DHRSX: variants seen among roughly 807,000 people sequenced by gnomAD.
DHRSX encodes the protein dehydrogenase/reductase X-linked, also known as polyprenol dehydrogenase.
A neutral mutation model predicts 34.0 loss-of-function variants in DHRSX; 31 were observed. The observed-to-expected ratio is 0.91, with a 90% CI of 0.69 to 1.23. The LOEUF is 1.23. Among genes scored for constraint, DHRSX ranks in the 50% most tolerant of loss-of-function variants. The pLI, the probability that DHRSX is intolerant of heterozygous loss-of-function variation, is 0.00. For synonymous variants in DHRSX, 201 were observed against 183.8 expected (o/e 1.09, Z -0.76); for missense variants, 414 against 428.1 (o/e 0.97, Z 0.29).
chrX:2,255,769 G>C (rs2041268380), intron 5 of DHRSX, among the ~76,000 whole-genome samples: 1 of 151,408 alleles, frequency 6.6e-6, no homozygotes, highest in Non-Finnish European at 1.5e-5. Context: ...ACAAAAATTA[G>C]GTGGGCATGG....
At chrX:2,308,456 A>T (rs927939238) in intron 3 of DHRSX, among the ~76,000 whole-genome samples, 2 of 152,170 alleles carry the variant, frequency 1.3e-5, no homozygotes, top group Non-Finnish European at 2.9e-5. Flanking sequence ...CAGCCAAACA[A>T]GCAAAAACCA....
chrX:2,255,581 C>T (rs959996245), intron 5 of DHRSX, among the ~76,000 whole-genome samples: 5 of 152,032 alleles, frequency 3.3e-5, no homozygotes, highest in Admixed American at 1.3e-4. Flanking sequence ...GACTGAGGGA[C>T]GTCAGAGTGA....
At chrX:2,282,795 GA>G (rs1315785474) in intron 4 of DHRSX, among the ~76,000 whole-genome samples, 2,763 of 62,950 alleles carry the variant, frequency 0.044, 199 homozygotes, top group African/African-American at 0.13. Context: ...AGAGAGAGAA[GA>G]AAGAGAGAAG....
intron 1 of DHRSX, among the ~76,000 whole-genome samples, chrX:2,465,311 G>A (rs2044476030): frequency 6.6e-6 from 1 of 152,152 alleles, no homozygotes; most frequent in South Asian, 2.1e-4. Context: ...ATGGCGTGTT[G>A]TAACTGCAGT....
At chrX:2,333,990 G>C (rs1234540505) in intron 3 of DHRSX, among the ~76,000 whole-genome samples, 6 of 152,132 alleles carry the variant, frequency 3.9e-5, no homozygotes, top group East Asian at 1.9e-4. Flanking sequence ...TCTTTACCCA[G>C]TCTACCACTG....
At chrX:2,353,880 G>A (rs1300023107) in intron 3 of DHRSX, among the ~76,000 whole-genome samples, 2 of 151,928 alleles carry the variant, frequency 1.3e-5, no homozygotes, top group African/African-American at 4.8e-5. Context: ...GCCTACACGT[G>A]GTTTTTAAGG....
intron 4 of DHRSX, among the ~76,000 whole-genome samples, chrX:2,271,980 G>T (rs770244167): frequency 9.9e-5 from 15 of 152,174 alleles, no homozygotes; most frequent in Admixed American, 9.8e-4. Context: ...GGCAGAGGTT[G>T]CAGTGAGCCG....
At chrX:2,482,370 C>T (rs2044787606) in intron 1 of DHRSX, among the ~76,000 whole-genome samples, 1 of 151,928 alleles carries the variant, frequency 6.6e-6, no homozygotes, top group Non-Finnish European at 1.5e-5. Context: ...TTCAAGTGAT[C>T]CTACTGACTT....
chrX:2,254,790 G>A (rs1362810845), intron 5 of DHRSX, among the ~76,000 whole-genome samples: 2 of 149,110 alleles, frequency 1.3e-5, no homozygotes, highest in African/African-American at 2.5e-5. Context: ...GGGACTACAG[G>A]TGCCCGCCAC....
intron 5 of DHRSX, among the ~76,000 whole-genome samples, chrX:2,259,379 T>TAG (rs1390973178): frequency 0.035 from 2,333 of 67,114 alleles, 473 homozygotes; most frequent in African/African-American, 0.15. Context: ...TATATAGATA[T>TAG]ATATATAGAT....
intron 1 of DHRSX, chrX:2,488,555 A>G: frequency 6.7e-7 from 1 of 1,491,242 alleles, no homozygotes; most frequent in Non-Finnish European, 8.9e-7. Context: ...GTTCAAAACC[A>G]AGCTGACCGG....
At chrX:2,230,453 T>C (rs909845235) in intron 6 of DHRSX, among the ~76,000 whole-genome samples, 1 of 152,184 alleles carries the variant, frequency 6.6e-6, no homozygotes, top group African/African-American at 2.4e-5. Flanking sequence ...GGAGATGGCT[T>C]GTGCTGTTTA....
rs1201549651 is a variant in DHRSX, at chrX:2,285,462, A to G, written c.388+6040T>C. 2.0e-5 allele frequency among the ~76,000 whole-genome samples: 3 copies of G among 152,196 alleles called. No individual in the cohort carries two copies. The East Asian group carries it at 5.8e-4, about 29-fold the overall frequency. On this transcript the variant is annotated intron_variant, in intron 4 of 6. Transcript: ENST00000334651. ...AGTTCACAGTAGGGTTTGTGCTCCT[A>G]TAAGAATCTAATGCTGCTGCTGATC...
chrX:2,227,025 C>T (rs764044443), intron 6 of DHRSX, among the ~76,000 whole-genome samples: 36 of 152,086 alleles, frequency 2.4e-4, no homozygotes, highest in South Asian at 4.2e-4. Context: ...GTTTTCCCTC[C>T]GGAGGCAGCC....
chrX:2,492,899 T>G (rs1448604091), intron 1 of DHRSX, among the ~76,000 whole-genome samples: 1 of 152,230 alleles, frequency 6.6e-6, no homozygotes, highest in Non-Finnish European at 1.5e-5. Context: ...ATTCTGAAGG[T>G]TAATTTTGCC....
intron 3 of DHRSX, among the ~76,000 whole-genome samples, chrX:2,300,571 A>G (rs1159887177): frequency 6.6e-6 from 1 of 152,178 alleles, no homozygotes. Flanking sequence ...AAAAGCAGGC[A>G]AAAGAATGTG....
At chrX:2,306,940 T>TTGA (rs1437210900) in intron 3 of DHRSX, among the ~76,000 whole-genome samples, 142 of 149,850 alleles carry the variant, frequency 9.5e-4, no homozygotes, top group African/African-American at 3.4e-3. Context: ...TTTTTTTTTT[T>TTGA]TTGATTGATA....
chrX:2,365,067 A>G (rs1464984768), intron 3 of DHRSX, among the ~76,000 whole-genome samples: 1 of 152,152 alleles, frequency 6.6e-6, no homozygotes. Context: ...AATTGGGGTA[A>G]TAACAATGCC....
chrX:2,320,364 A>T (rs1249994568), intron 3 of DHRSX, among the ~76,000 whole-genome samples: 1 of 99,652 alleles, frequency 1.0e-5, no homozygotes, highest in African/African-American at 3.8e-5. Context: ...GGGTGATCTC[A>T]GCTCACTGCA....
Sources: allele counts gnomAD v4.1 joint callset (sites outside exome capture counted in the v4.1 genomes callset), GRCh38; gene constraint gnomAD v4.1.1; transcripts MANE v1.5; gene names NCBI Gene and HGNC (gene_info 2026-07-23, HGNC 2026-07-21).